Variants in KHDRBS2 observed in about 807,000 individuals in gnomAD.
KHDRBS2 encodes KH domain-containing, RNA-binding, signal transduction-associated protein 2.
A neutral mutation model predicts 44.3 loss-of-function variants in KHDRBS2; 26 were observed. The observed-to-expected ratio is 0.59, with a 90% confidence interval of 0.43 to 0.81. The LOEUF is 0.81. Among genes scored for constraint, KHDRBS2 ranks in the 40% least tolerant of loss-of-function variants. The pLI is 0.00. For synonymous variants in KHDRBS2, 194 were observed against 151.1 expected, an observed-to-expected ratio of 1.28 and a Z score of -2.08; for missense variants, 476 against 433.1, an observed-to-expected ratio of 1.10 and a Z score of -0.88.
intron 4 of KHDRBS2, among the ~76,000 whole-genome samples, chr6:61,930,570 C>T (rs1255251076): frequency 1.3e-5 from 1 of 77,914 alleles, no homozygotes; most frequent in Non-Finnish European, 2.2e-5. Flanking sequence ...AAAAAAAAGG[C>T]TAGTCTAGTC....
chr6:61,801,766 T>C, intron 6 of KHDRBS2, among the ~76,000 whole-genome samples: 1 of 152,178 alleles, frequency 6.6e-6, no homozygotes, highest in East Asian at 1.9e-4. Context: ...ATAATAGGGA[T>C]AATATTAAGA....
intron 4 of KHDRBS2, among the ~76,000 whole-genome samples, chr6:61,916,121 C>CA (rs1165062013): frequency 6.6e-6 from 1 of 152,060 alleles, no homozygotes; most frequent in Non-Finnish European, 1.5e-5. Context: ...CTGATGCCTG[C>CA]AAATCAGCCA....
At chr6:61,598,742 C>G in the KHDRBS2 span, among the ~76,000 whole-genome samples, 1 of 151,552 alleles carries the variant, frequency 6.6e-6, no homozygotes, top group Non-Finnish European at 1.5e-5. Flanking sequence ...TTACATCTCT[C>G]CCTGGTTCCT....
intron 4 of KHDRBS2, among the ~76,000 whole-genome samples, chr6:61,937,513 T>G (rs1489119663): frequency 2.6e-5 from 4 of 152,100 alleles, no homozygotes; most frequent in African/African-American, 9.6e-5. Context: ...ATGTGTCTTA[T>G]GTTTATTGAA....
At position 61,694,662 on chromosome 6, in the gene KHDRBS2, G is replaced by T. The variant is rs113949351; in HGVS notation, c.952+2533C>A. On this transcript the variant is annotated intron_variant, in intron 8 of 8. Transcript: ENST00000281156. ...AAATGCTAGGCAATCTTACACCTCAGCCTGGCTGGCCCCTGGTGTGGCTTT... is the reference window on the plus strand; with the variant it reads ...AAATGCTAGGCAATCTTACACCTCATCCTGGCTGGCCCCTGGTGTGGCTTT... Among the ~76,000 whole-genome samples, 498 of 152,294 alleles carry T rather than the reference G, an allele frequency of 3.3e-3. 6 individuals are homozygous for T. Among genetic ancestry groups the T allele is most frequent in the African/African-American group, 0.011 (477 of 41,578 alleles).
chr6:62,059,278 T>C (rs1411259849), intron 2 of KHDRBS2, among the ~76,000 whole-genome samples: 2 of 127,460 alleles, frequency 1.6e-5, no homozygotes, highest in East Asian at 2.7e-4. Flanking sequence ...AAGCTGGGTA[T>C]GGAAAAAGGC....
At chr6:61,803,311 A>T (rs1258084620) in intron 6 of KHDRBS2, among the ~76,000 whole-genome samples, 1 of 152,182 alleles carries the variant, frequency 6.6e-6, no homozygotes, top group Non-Finnish European at 1.5e-5. Context: ...TTCCCAGCAC[A>T]CTGTTCAGAG....
At chr6:61,873,331 CAGGCAT>C (rs1441502304) in intron 6 of KHDRBS2, among the ~76,000 whole-genome samples, 1 of 151,776 alleles carries the variant, frequency 6.6e-6, no homozygotes, top group Non-Finnish European at 1.5e-5. Context: ...AGTAGAAAAA[CAGGCAT>C]AGTTATGCAA....
chr6:61,805,283 T>C (rs1786968567), intron 6 of KHDRBS2, among the ~76,000 whole-genome samples: 1 of 152,072 alleles, frequency 6.6e-6, no homozygotes, highest in African/African-American at 2.4e-5. Context: ...TTTATTCCAG[T>C]CCCCAAGTTC....
At chr6:62,038,769 A>C (rs1785846821) in intron 3 of KHDRBS2, among the ~76,000 whole-genome samples, 1 of 152,090 alleles carries the variant, frequency 6.6e-6, no homozygotes, top group Non-Finnish European at 1.5e-5. Flanking sequence ...GGGTCATTTC[A>C]ACTATTAAAA....
intron 3 of KHDRBS2, among the ~76,000 whole-genome samples, chr6:61,991,142 C>T (rs1314810985): frequency 1.3e-5 from 2 of 152,122 alleles, no homozygotes; most frequent in Non-Finnish European, 2.9e-5. Flanking sequence ...CCAGGAAATA[C>T]AACGTTTAGA....
chr6:61,846,127 T>C lies in KHDRBS2; in HGVS notation c.810+48508A>G, dbSNP rs74374715. On this transcript the variant is annotated intron_variant, in intron 6 of 8. Transcript: ENST00000281156. Reference sequence around the variant, plus strand: ...TCCCTGAGGATTCCCCAAGAGCAGATGATCCTATGCTTCACCTGTACAGCC... The same window carrying C: ...TCCCTGAGGATTCCCCAAGAGCAGACGATCCTATGCTTCACCTGTACAGCC... 8.9e-3 allele frequency among the ~76,000 whole-genome samples: 1,362 copies of C among 152,324 alleles called. 16 individuals carry two copies. The highest frequency in any genetic ancestry group is 0.016 in the Non-Finnish European group (1,074 of 68,030).
chr6:62,089,940 G>C (rs1562831365), intron 2 of KHDRBS2, among the ~76,000 whole-genome samples: 1 of 152,140 alleles, frequency 6.6e-6, no homozygotes, highest in Non-Finnish European at 1.5e-5. Flanking sequence ...ACAGTAAATA[G>C]TGAAGGCCAA....
the KHDRBS2 span, among the ~76,000 whole-genome samples, chr6:61,573,753 C>A: frequency 5.0e-4 from 75 of 151,502 alleles, no homozygotes; most frequent in African/African-American, 1.8e-3. Context: ...TGCGCCACTG[C>A]ACTCCAGCCT....
intron 3 of KHDRBS2, among the ~76,000 whole-genome samples, chr6:62,011,607 G>A (rs576835174): frequency 6.7e-4 from 102 of 152,040 alleles, no homozygotes; most frequent in Non-Finnish European, 1.4e-3. Context: ...CTTTCACACC[G>A]GGATCAATGA....
the KHDRBS2 span, among the ~76,000 whole-genome samples, chr6:61,569,250 A>G: frequency 0.8 from 122,181 of 152,056 alleles, 49,542 homozygotes; most frequent in African/African-American, 0.9. Context: ...TGCCCAAGGA[A>G]AGTCTGAGCC....
At chr6:62,198,893 T>A (rs148429286) in intron 1 of KHDRBS2, among the ~76,000 whole-genome samples, 18 of 152,078 alleles carry the variant, frequency 1.2e-4, no homozygotes, top group African/African-American at 3.9e-4. Context: ...TCCACCATGA[T>A]CAAGTGGGCT....
At chr6:61,687,532 G>A (rs997732388) in intron 8 of KHDRBS2, among the ~76,000 whole-genome samples, 2 of 151,756 alleles carry the variant, frequency 1.3e-5, no homozygotes, top group Non-Finnish European at 2.9e-5. Context: ...ACTTTTGAAC[G>A]GTAGTTCCCA....
At chr6:61,982,214 A>ATAT (rs1773984953) in intron 3 of KHDRBS2, among the ~76,000 whole-genome samples, 1 of 149,758 alleles carries the variant, frequency 6.7e-6, no homozygotes, top group African/African-American at 2.4e-5. Context: ...AGTCACTGCA[A>ATAT]ATATATATAT....
Sources: gnomAD v4.1 joint callset for allele counts (sites outside exome capture counted in the v4.1 genomes callset) on GRCh38, gnomAD v4.1.1 for gene constraint, MANE v1.5 for transcripts, NCBI Gene and HGNC (gene_info 2026-07-23, HGNC 2026-07-21) for gene names.